The following UNC79 variants were observed in gnomAD, a reference collection of about 807,000 sequenced individuals.
UNC79 encodes unc-79 subunit of NALCN channel complex.
Under a neutral mutation model 283.1 loss-of-function variants are expected in UNC79, and 37 were observed. That is an observed-to-expected ratio of 0.13 (90% CI 0.10 to 0.17). The LOEUF is 0.17. Among genes scored for constraint, UNC79 ranks in the 10% least tolerant of loss-of-function variants. The pLI is 1.00. For synonymous variants in UNC79, 1,107 were observed against 1,200.2 expected, an observed-to-expected ratio of 0.92 and a Z score of 1.61; for missense variants, 2,272 against 3,211.1, an observed-to-expected ratio of 0.71 and a Z score of 7.07.
At chr14:93,707,219 A>G (rs745804055), downstream of UNC79, 3 of 270,976 alleles carry the variant, frequency 1.1e-5, no homozygotes, top group Non-Finnish European at 2.1e-5. Flanking sequence ...GAAAAGTTGT[A>G]TAAGTCCCCC....
intron 37 of UNC79, 21 bp downstream of exon 40, chr14:93,654,046 C>A (rs760901925): frequency 1.2e-6 from 2 of 1,611,216 alleles, no homozygotes; most frequent in Non-Finnish European, 1.7e-6. Flanking sequence ...TTTAATGACA[C>A]CCTAAGCCCC....
At chr14:93,362,823 G>T (rs1218641160) in intron 1 of UNC79, among the ~76,000 whole-genome samples, 1 of 152,070 alleles carries the variant, frequency 6.6e-6, no homozygotes, top group Non-Finnish European at 1.5e-5. Context: ...CTTTGAGTTG[G>T]TGGTGGTGTC....
At chr14:93,703,458 G>A (rs1350436296) in intron 47 of UNC79, among the ~76,000 whole-genome samples, 1 of 152,162 alleles carries the variant, frequency 6.6e-6, no homozygotes, top group Non-Finnish European at 1.5e-5. Flanking sequence ...CACATAGCAT[G>A]CTTTCTGTGT....
intron 31 of UNC79, among the ~76,000 whole-genome samples, chr14:93,632,120 G>A (rs2068078340): frequency 6.6e-6 from 1 of 152,172 alleles, no homozygotes; most frequent in Non-Finnish European, 1.5e-5. Flanking sequence ...AGGAATTGAT[G>A]CTAGGCCCTT....
chr14:93,487,559 C>T, intron 4 of UNC79, 104 bp from the exon 5 acceptor site: 1 of 738,792 alleles, frequency 1.4e-6, no homozygotes, highest in Non-Finnish European at 2.0e-6. Context: ...TTTATTGGAG[C>T]TATTTTTTTT....
chr14:93,668,597 C>T (rs1254425425), intron 40 of UNC79, among the ~76,000 whole-genome samples: 1 of 151,814 alleles, frequency 6.6e-6, no homozygotes, highest in Non-Finnish European at 1.5e-5. Context: ...GTGATCCTAG[C>T]ACTTTGGGAG....
chr14:93,597,373 G>A, exon 24 of UNC79: 1 of 1,613,962 alleles, frequency 6.2e-7, no homozygotes. Flanking sequence ...AAAAGTTGCT[G>A]TAATTTGTAG....
chr14:93,603,522 T>C, intron 26 of UNC79, 104 bp downstream of exon 26: 1 of 1,357,786 alleles, frequency 7.4e-7, no homozygotes, highest in South Asian at 1.5e-5. Flanking sequence ...TTTAGCAAAC[T>C]GAGTTTGTTC....
At chr14:93,670,619 C>T (rs531023204) in intron 40 of UNC79, among the ~76,000 whole-genome samples, 2 of 152,298 alleles carry the variant, frequency 1.3e-5, no homozygotes, top group East Asian at 1.9e-4. Flanking sequence ...GCTCTCCAAA[C>T]CCTTTTCTTT....
chr14:93,537,159 G>A (rs2061129276), intron 11 of UNC79, among the ~76,000 whole-genome samples: 1 of 152,188 alleles, frequency 6.6e-6, no homozygotes, highest in Non-Finnish European at 1.5e-5. Context: ...CTATGTGGTG[G>A]TCGCATCTCT....
chr14:93,552,809 G>A (rs1360318908), intron 14 of UNC79, among the ~76,000 whole-genome samples: 1 of 152,148 alleles, frequency 6.6e-6, no homozygotes, highest in East Asian at 1.9e-4. Flanking sequence ...GCAAACACTT[G>A]TATGAATTGG....
intron 1 of UNC79, among the ~76,000 whole-genome samples, chr14:93,401,377 A>C (rs983224500): frequency 2.0e-5 from 3 of 152,202 alleles, no homozygotes; most frequent in African/African-American, 7.2e-5. Flanking sequence ...TTGAGCCTTT[A>C]ACTCACAGTA....
intron 46 of UNC79, among the ~76,000 whole-genome samples, chr14:93,693,536 C>T (rs1326121477): frequency 6.6e-6 from 1 of 152,082 alleles, no homozygotes; most frequent in African/African-American, 2.4e-5. Flanking sequence ...GTAAAATCTC[C>T]CTGGAATATT....
intron 47 of UNC79, among the ~76,000 whole-genome samples, chr14:93,698,033 T>G (rs1209127780): frequency 6.6e-6 from 1 of 152,232 alleles, no homozygotes; most frequent in African/African-American, 2.4e-5. Context: ...TCCAAATATT[T>G]AAAGATTTCC....
Position 93,387,206 on chromosome 14 carries a change from G to T in UNC79, c.-351+53683G>T, listed in dbSNP as rs138627719. Among the ~76,000 whole-genome samples the T allele has an allele frequency of 2.0e-3, 310 of 152,118 alleles. 6 individuals carry two copies. The East Asian group carries it at 0.021, about 11-fold the overall frequency. On this transcript the variant is annotated intron_variant, in intron 1 of 49. Coordinates refer to the UNC79 transcript ENST00000256339. ...GATCCACCCGCCTCGGCCTCCCAAA[G>T]TGCTGGGATTTTAGGCGTGTGCCAC... is the stretch of plus-strand genomic sequence containing the variant.
At chr14:93,468,945 T>C (rs1268558210) in intron 2 of UNC79, among the ~76,000 whole-genome samples, 1 of 152,184 alleles carries the variant, frequency 6.6e-6, no homozygotes, top group Non-Finnish European at 1.5e-5. Flanking sequence ...TCAGAAAAAT[T>C]TATGAATCAA....
intron 1 of UNC79, among the ~76,000 whole-genome samples, chr14:93,415,980 C>T (rs998207821): frequency 6.6e-5 from 10 of 151,304 alleles, no homozygotes; most frequent in African/African-American, 2.4e-4. Flanking sequence ...AGCTCCTGGA[C>T]TCATTAATTT....
intron 47 of UNC79, among the ~76,000 whole-genome samples, chr14:93,698,371 G>C (rs2075294309): frequency 6.6e-6 from 1 of 150,872 alleles, no homozygotes; most frequent in African/African-American, 2.4e-5. Flanking sequence ...GTATTATGAA[G>C]CTCTGTTATT....
intron 27 of UNC79, among the ~76,000 whole-genome samples, chr14:93,614,545 C>G (rs1264854335): frequency 6.6e-6 from 1 of 151,782 alleles, no homozygotes; most frequent in Non-Finnish European, 1.5e-5. Flanking sequence ...TCTTGAGCTC[C>G]TGGCCTCAAG....
Sources: allele counts gnomAD v4.1 joint callset (sites outside exome capture counted in the v4.1 genomes callset), GRCh38; gene constraint gnomAD v4.1.1; transcripts MANE v1.5; gene names NCBI Gene and HGNC (gene_info 2026-07-23, HGNC 2026-07-21).